FAM174B: variants seen among roughly 807,000 people sequenced by gnomAD.
The protein encoded by FAM174B is family with sequence similarity 174 member B.
In FAM174B, 12 loss-of-function variants were observed where a neutral mutation model predicts 10.9. The observed-to-expected ratio is 1.10, with a 90% CI of 0.71 to 1.79. FAM174B has a LOEUF of 1.79. Ranked by LOEUF, FAM174B falls within the 40% of genes most tolerant of loss-of-function variation. FAM174B has a pLI of 0.00. For missense variants in FAM174B, 266 were observed against 233.3 expected, an observed-to-expected ratio of 1.14 and a Z score of -0.91; for synonymous variants, 132 against 115.8, an observed-to-expected ratio of 1.14 and a Z score of -0.90.
chr15:92,623,329 G>C (rs192010544), intron 2 of FAM174B, among the ~76,000 whole-genome samples: 7 of 152,082 alleles, frequency 4.6e-5, no homozygotes, highest in Admixed American at 4.6e-4. Context: ...GGCCTCTCTC[G>C]GCCCCCTTCT....
intron 1 of FAM174B, among the ~76,000 whole-genome samples, chr15:92,654,640 C>T (rs1319000823): frequency 6.6e-6 from 1 of 152,110 alleles, no homozygotes; most frequent in African/African-American, 2.4e-5. Flanking sequence ...CCGTCTGTGT[C>T]CCCCACCAAC....
chr15:92,625,551 T>A (rs1212668008), intron 2 of FAM174B, among the ~76,000 whole-genome samples: 1 of 152,228 alleles, frequency 6.6e-6, no homozygotes, highest in Non-Finnish European at 1.5e-5. Context: ...AAACCAAACA[T>A]GCAACGTCTG....
intron 1 of FAM174B, among the ~76,000 whole-genome samples, chr15:92,631,674 A>G (rs1290247846): frequency 1.4e-5 from 2 of 144,812 alleles, no homozygotes; most frequent in Non-Finnish European, 3.0e-5. Context: ...TTTTTTTTGT[A>G]TTTTTTGTAG....
chr15:92,655,631 A>G lies in FAM174B; in HGVS notation c.29T>C (p.Leu10Pro). 7.9e-7 allele frequency: 1 copy of G among 1,258,918 alleles called. No homozygotes were observed. The highest frequency in any genetic ancestry group is 3.3e-5 in the South Asian group (1 of 30,024). 78.0% of individuals were successfully genotyped at this position (1,258,918 alleles called of 1,614,324 possible). A position where few individuals can be genotyped will look rare whatever the true frequency, so the allele number is the denominator to read the frequency against. ...GAGCGCGAGCAGCAGCAGCGGCAGGAGCGGGGCGGGCAGCGGCACGGCGCG... is the reference window on the plus strand; with the variant it reads ...GAGCGCGAGCAGCAGCAGCGGCAGGGGCGGGGCGGGCAGCGGCACGGCGCG... MRAVPLPAP[L>P]LPLLLLALLA... Residue 10 changes from leucine (L) to proline (P), a missense_variant, in exon 1 of 3, where the codon CTC (leucine) becomes CCC (proline). Physicochemically the swap from Leu to Pro is moderately conservative, Grantham distance 98 (BLOSUM62 -3). Coordinates refer to ENST00000327355, the MANE Select transcript of FAM174B (RefSeq NM_207446.3).
chr15:92,641,203 T>C (rs893791313), intron 1 of FAM174B, among the ~76,000 whole-genome samples: 9 of 152,116 alleles, frequency 5.9e-5, no homozygotes, highest in South Asian at 2.1e-4. Flanking sequence ...TTAGCAAAAA[T>C]AGAAATGTCT....
chr15:92,644,335 G>A (rs948812319), intron 1 of FAM174B, among the ~76,000 whole-genome samples: 15 of 152,016 alleles, frequency 9.9e-5, no homozygotes, highest in East Asian at 1.9e-4. Flanking sequence ...GAGCATTTTC[G>A]ACAAGCCACT....
At chr15:92,635,170 C>G (rs2141957308) in intron 1 of FAM174B, among the ~76,000 whole-genome samples, 1 of 16,434 alleles carries the variant, frequency 6.1e-5, no homozygotes, top group Non-Finnish European at 1.3e-4. Flanking sequence ...CACACACACC[C>G]ACACACACAC....
At chr15:92,652,805 C>A (rs1182253007) in intron 1 of FAM174B, among the ~76,000 whole-genome samples, 1 of 151,944 alleles carries the variant, frequency 6.6e-6, no homozygotes, top group East Asian at 1.9e-4. Flanking sequence ...TAAGGAGTTG[C>A]AGAGGGAGAA....
chr15:92,630,449 G>C (rs1224703369), intron 1 of FAM174B, 104 bp from the exon 2 acceptor site: 21 of 1,107,498 alleles, frequency 1.9e-5, no homozygotes, highest in Admixed American at 2.2e-5. Context: ...CTGGTGTTTA[G>C]TCAGGTTTCC....
At chr15:92,625,074 T>C (rs2050744722) in intron 2 of FAM174B, among the ~76,000 whole-genome samples, 1 of 152,218 alleles carries the variant, frequency 6.6e-6, no homozygotes, top group Non-Finnish European at 1.5e-5. Context: ...ACTCTTGTAC[T>C]CTGGTTAGCT....
At chr15:92,626,155 C>G (rs1010623414) in intron 2 of FAM174B, among the ~76,000 whole-genome samples, 21 of 92,470 alleles carry the variant, frequency 2.3e-4, no homozygotes, top group African/African-American at 8.4e-4. Flanking sequence ...CCGGAGTGCA[C>G]TGGCGCGATC....
chr15:92,637,852 C>T (rs2050865996), intron 1 of FAM174B, among the ~76,000 whole-genome samples: 1 of 152,186 alleles, frequency 6.6e-6, no homozygotes, highest in Non-Finnish European at 1.5e-5. Flanking sequence ...ACAGGGCCCT[C>T]ATTTTACTCA....
At chr15:92,644,454 G>T (rs1423948076) in intron 1 of FAM174B, among the ~76,000 whole-genome samples, 1 of 152,148 alleles carries the variant, frequency 6.6e-6, no homozygotes, top group Non-Finnish European at 1.5e-5. Context: ...AGTGCAGCAA[G>T]AGCCTCCAGA....
intron 1 of FAM174B, among the ~76,000 whole-genome samples, chr15:92,630,599 C>T (rs946476395): frequency 1.3e-5 from 2 of 151,576 alleles, no homozygotes; most frequent in African/African-American, 4.9e-5. Flanking sequence ...AAGTGAGTGA[C>T]CGACCTCGCT....
At chr15:92,647,373 C>T (rs1358706282) in intron 1 of FAM174B, among the ~76,000 whole-genome samples, 3 of 152,184 alleles carry the variant, frequency 2.0e-5, no homozygotes, top group South Asian at 2.1e-4. Flanking sequence ...TAATACATGG[C>T]TCCCCTGTGG....
rs1297704421 is a variant in FAM174B at position 92,630,804 on chromosome 15, T to C, written c.345-459A>G. On this transcript the variant is annotated intron_variant, in intron 1 of 2. Coordinates refer to ENST00000327355, the MANE Select transcript of FAM174B (RefSeq NM_207446.3). Reference sequence around the variant, plus strand: ...TTTATATATTACATATTACATATTATATATATTTTATATATTACATATTAT... The same window carrying C: ...TTTATATATTACATATTACATATTACATATATTTTATATATTACATATTAT... 4.0e-4 allele frequency among the ~76,000 whole-genome samples: 16 copies of C among 39,934 alleles called. 1 individual carries two copies. The East Asian group carries it at 4.9e-3, about 12-fold the overall frequency. The allele number at this position is 39,934 out of a possible 152,430, so 26.2% of individuals were successfully genotyped here. A position where few individuals can be genotyped will look rare whatever the true frequency, so the allele number is the denominator to read the frequency against.
chr15:92,629,792 A>G (rs2050778594), intron 2 of FAM174B, among the ~76,000 whole-genome samples: 2 of 152,136 alleles, frequency 1.3e-5, no homozygotes, highest in Non-Finnish European at 2.9e-5. Context: ...TCGGTAGGTA[A>G]CTGAATCACA....
intron 1 of FAM174B, among the ~76,000 whole-genome samples, chr15:92,645,159 T>C (rs528032591): frequency 3.9e-5 from 6 of 152,234 alleles, no homozygotes; most frequent in Non-Finnish European, 5.9e-5. Flanking sequence ...CACGTTCCAC[T>C]AAATCCTTCC....
intron 1 of FAM174B, among the ~76,000 whole-genome samples, chr15:92,636,819 C>A (rs1051289964): frequency 6.6e-6 from 1 of 152,222 alleles, no homozygotes; most frequent in Non-Finnish European, 1.5e-5. Flanking sequence ...CCCCACTCCA[C>A]GCCTCACCGG....
Sources: allele counts gnomAD v4.1 joint callset (sites outside exome capture counted in the v4.1 genomes callset), GRCh38; gene constraint gnomAD v4.1.1; transcripts MANE v1.5; gene names NCBI Gene and HGNC (gene_info 2026-07-23, HGNC 2026-07-21).